Variants in SYNDIG1 observed in about 807,000 individuals in gnomAD.
The protein encoded by SYNDIG1 is synapse differentiation inducing 1, also known as synapse differentiation-inducing gene protein 1.
SYNDIG1 carries 9 observed loss-of-function variants against 19.4 expected under a neutral mutation model. The ratio of observed to expected loss-of-function variants is 0.46; its 90% CI spans 0.28 to 0.81. The LOEUF (loss-of-function observed/expected upper bound fraction) is 0.81, where lower values mean the gene tolerates loss of function less well. SYNDIG1 is among the 30% of genes least tolerant of loss of function. The pLI is 0.12. For missense variants in SYNDIG1, 311 were observed against 343.3 expected (o/e 0.91, Z 0.74); for synonymous variants, 141 against 145.9 (o/e 0.97, Z 0.24).
intron 2 of SYNDIG1, among the ~76,000 whole-genome samples, chr20:24,577,449 G>A (rs991278523): frequency 1.3e-5 from 2 of 152,234 alleles, no homozygotes. Context: ...GCCCTGCAAG[G>A]TCTCCATGGC....
intron 1 of SYNDIG1, among the ~76,000 whole-genome samples, chr20:24,535,833 C>A (rs1336071661): frequency 6.6e-6 from 1 of 152,160 alleles, no homozygotes; most frequent in Non-Finnish European, 1.5e-5. Flanking sequence ...ATGGCCTCCC[C>A]TGGCTCTATT....
intron 3 of SYNDIG1, among the ~76,000 whole-genome samples, chr20:24,601,185 C>A (rs548756475): frequency 6.6e-6 from 1 of 152,206 alleles, no homozygotes; most frequent in East Asian, 1.9e-4. Context: ...TAGAATAAAC[C>A]CTAATTGATC....
intron 3 of SYNDIG1, among the ~76,000 whole-genome samples, chr20:24,661,476 A>ACTGGCCTTCAGCATGCC (rs2059592856): frequency 9.3e-6 from 1 of 107,784 alleles, no homozygotes; most frequent in Admixed American, 8.5e-5. Context: ...GGAGGGAGGG[A>ACTGGCCTTCAGCATGCC]AGAGGGAGGA....
chr20:24,490,320 A>G (rs1203519351), intron 1 of SYNDIG1, among the ~76,000 whole-genome samples: 2 of 152,238 alleles, frequency 1.3e-5, no homozygotes, highest in Non-Finnish European at 2.9e-5. Flanking sequence ...CACCTAAAAT[A>G]GCAGTTATGC....
At chr20:24,546,823 A>G (rs766888820) in intron 2 of SYNDIG1, among the ~76,000 whole-genome samples, 8 of 152,172 alleles carry the variant, frequency 5.3e-5, no homozygotes, top group Non-Finnish European at 1.2e-4. Flanking sequence ...CAGAATGACA[A>G]CTACTGAAAC....
At chr20:24,554,795 G>C (rs1185447980) in intron 2 of SYNDIG1, among the ~76,000 whole-genome samples, 2 of 151,192 alleles carry the variant, frequency 1.3e-5, no homozygotes, top group Non-Finnish European at 2.9e-5. Flanking sequence ...CCCGGCTTTG[G>C]TATCAGGATG....
At chr20:24,618,202 G>A (rs1378620416) in intron 3 of SYNDIG1, among the ~76,000 whole-genome samples, 7 of 143,044 alleles carry the variant, frequency 4.9e-5, no homozygotes, top group Admixed American at 1.4e-4. Context: ...AGCCTGGGGA[G>A]GGGTAAGAGC....
At chr20:24,508,508 A>T (rs1392993167) in intron 1 of SYNDIG1, among the ~76,000 whole-genome samples, 2 of 152,134 alleles carry the variant, frequency 1.3e-5, no homozygotes, top group East Asian at 1.9e-4. Context: ...GTGAGCCACC[A>T]TGCCCTGCCC....
At chr20:24,631,283 A>T (rs2059238912) in intron 3 of SYNDIG1, among the ~76,000 whole-genome samples, 1 of 152,214 alleles carries the variant, frequency 6.6e-6, no homozygotes, top group African/African-American at 2.4e-5. Flanking sequence ...TCCCTGCTGT[A>T]GAAGTGGAAG....
chr20:24,547,753 T>G (rs935121282), intron 2 of SYNDIG1, among the ~76,000 whole-genome samples: 2 of 152,222 alleles, frequency 1.3e-5, no homozygotes, highest in Non-Finnish European at 2.9e-5. Context: ...AAGCCACTTC[T>G]CCTTTCACAC....
intron 3 of SYNDIG1, among the ~76,000 whole-genome samples, chr20:24,609,612 T>C (rs536224599): frequency 1.1e-4 from 17 of 152,256 alleles, no homozygotes; most frequent in African/African-American, 3.4e-4. Flanking sequence ...GGACTGCAGA[T>C]TGCTCAGGGG....
intron 3 of SYNDIG1, among the ~76,000 whole-genome samples, chr20:24,641,132 G>A (rs1179132113): frequency 6.6e-6 from 1 of 152,326 alleles, no homozygotes; most frequent in East Asian, 1.9e-4. Context: ...GTTAGAAGCT[G>A]TTACTCACTA....
intron 3 of SYNDIG1, among the ~76,000 whole-genome samples, chr20:24,627,883 G>A (rs944948299): frequency 6.6e-6 from 1 of 152,266 alleles, no homozygotes; most frequent in South Asian, 2.1e-4. Flanking sequence ...CAAGTGCTCA[G>A]TCACTTGGCG....
At chr20:24,540,694 A>G (rs1245263281) in intron 1 of SYNDIG1, among the ~76,000 whole-genome samples, 1 of 152,200 alleles carries the variant, frequency 6.6e-6, no homozygotes, top group Non-Finnish European at 1.5e-5. Flanking sequence ...AATGTGGTGT[A>G]TTACAATGAT....
intron 1 of SYNDIG1, among the ~76,000 whole-genome samples, chr20:24,523,599 A>G (rs1481018418): frequency 6.6e-6 from 1 of 152,230 alleles, no homozygotes; most frequent in Non-Finnish European, 1.5e-5. Context: ...AAAGGAAAAT[A>G]TAGTGTCCAG....
intron 2 of SYNDIG1, among the ~76,000 whole-genome samples, chr20:24,544,756 C>T (rs1246341878): frequency 6.6e-6 from 1 of 152,068 alleles, no homozygotes; most frequent in Non-Finnish European, 1.5e-5. Context: ...CAGAGAAGCT[C>T]CTGGGGTGTG....
chr20:24,635,189 C>G (rs751211867), intron 3 of SYNDIG1, among the ~76,000 whole-genome samples: 1 of 152,226 alleles, frequency 6.6e-6, no homozygotes, highest in East Asian at 1.9e-4. Context: ...CAGGTGCTGG[C>G]TTCACGGTGG....
At chr20:24,541,113 A>G (rs773160516) in intron 1 of SYNDIG1, among the ~76,000 whole-genome samples, 10 of 152,224 alleles carry the variant, frequency 6.6e-5, no homozygotes, top group Non-Finnish European at 1.3e-4. Context: ...TCCTTGCTCA[A>G]TCACCCCATT....
rs536225349 is a variant in SYNDIG1 at position 24,584,909 on chromosome 20, G to T, written c.534G>T (p.Pro178=). 1.2e-6 allele frequency: 2 copies of T among 1,614,102 alleles called. No homozygotes were observed. The highest frequency in any genetic ancestry group is 1.3e-5 in the African/African-American group (1 of 75,014). The part of the protein sequence containing the change: ...ESEDNFLMMP[P]RDHLGLSVFS... ...AGGACAATTTCCTCATGATGCCCCC[G>T]CGGGACCACCTGGGCCTCAGTGTCT... Residue 178 remains proline (P), a synonymous_variant, in exon 3 of 4, where the codon CCG becomes CCT. Coordinates refer to ENST00000376862, the MANE Select transcript of SYNDIG1 (RefSeq NM_024893.3).
Sources: gnomAD v4.1 joint callset for allele counts (sites outside exome capture counted in the v4.1 genomes callset) on GRCh38, gnomAD v4.1.1 for gene constraint, MANE v1.5 for transcripts, NCBI Gene and HGNC (gene_info 2026-07-23, HGNC 2026-07-21) for gene names.